Variants in GRM1 observed in about 807,000 individuals in gnomAD.
The protein encoded by GRM1 is metabotropic glutamate receptor 1.
A neutral mutation model predicts 90.9 loss-of-function variants in GRM1; 33 were observed. The observed-to-expected ratio is 0.36, with a 90% CI of 0.28 to 0.49. The LOEUF (loss-of-function observed/expected upper bound fraction) is 0.49. Ranked by LOEUF, GRM1 falls within the 20% of genes least tolerant of loss-of-function variation. The pLI is 0.99. For missense variants in GRM1, 1,190 were observed against 1,534.3 expected (o/e 0.78, Z 3.75); for synonymous variants, 700 against 613.2 (o/e 1.14, Z -2.09).
chr6:146,378,931 A>T (rs1333210682), intron 5 of GRM1, among the ~76,000 whole-genome samples: 1 of 152,178 alleles, frequency 6.6e-6, no homozygotes, highest in Non-Finnish European at 1.5e-5. Flanking sequence ...CTTGCCTGCC[A>T]CCATAAAAGA....
intron 1 of GRM1, among the ~76,000 whole-genome samples, chr6:146,034,807 G>A (rs1169421158): frequency 1.3e-5 from 2 of 151,954 alleles, no homozygotes; most frequent in East Asian, 3.9e-4. Context: ...ATGTATAAAT[G>A]GCTATATGTA....
chr6:146,120,818 T>C (rs187643460), intron 1 of GRM1, among the ~76,000 whole-genome samples: 624 of 152,334 alleles, frequency 4.1e-3, no homozygotes, highest in African/African-American at 0.014. Context: ...AGCTTTTTGA[T>C]GGCTGCTGGA....
At chr6:146,164,981 G>C (rs1777859133) in intron 2 of GRM1, among the ~76,000 whole-genome samples, 1 of 150,166 alleles carries the variant, frequency 6.7e-6, no homozygotes, top group African/African-American at 2.5e-5. Context: ...TTACTACTGT[G>C]TGCTGTTTTA....
intron 2 of GRM1, among the ~76,000 whole-genome samples, chr6:146,233,666 C>T (rs1358224293): frequency 6.6e-6 from 1 of 151,974 alleles, no homozygotes; most frequent in Non-Finnish European, 1.5e-5. Context: ...CAAATACATA[C>T]TTTGTGTAAT....
chr6:146,168,654 T>C (rs1583103457), intron 2 of GRM1, among the ~76,000 whole-genome samples: 4 of 152,172 alleles, frequency 2.6e-5, no homozygotes, highest in African/African-American at 7.2e-5. Flanking sequence ...AGACACATTT[T>C]CTTCTACTTT....
chr6:146,067,598 G>A (rs142788411), intron 1 of GRM1, among the ~76,000 whole-genome samples: 108 of 152,160 alleles, frequency 7.1e-4, no homozygotes, highest in African/African-American at 2.5e-3. Context: ...GTAATTTAAA[G>A]TAATCTTAAA....
chr6:146,279,560 TCTAA>T (rs1429855747), intron 2 of GRM1, among the ~76,000 whole-genome samples: 10 of 152,206 alleles, frequency 6.6e-5, no homozygotes, highest in African/African-American at 1.9e-4. Flanking sequence ...ACATTTGTTC[TCTAA>T]CTGTGAATTA....
chr6:146,124,999 T>G (rs1776144585), intron 1 of GRM1, among the ~76,000 whole-genome samples: 1 of 152,176 alleles, frequency 6.6e-6, no homozygotes, highest in East Asian at 1.9e-4. Context: ...AATGACATCA[T>G]GTAAGTGAGT....
chr6:146,066,762 CAGGCAGAG>C (rs1224273485), intron 1 of GRM1, among the ~76,000 whole-genome samples: 130 of 117,270 alleles, frequency 1.1e-3, no homozygotes, highest in African/African-American at 3.9e-3. Flanking sequence ...AATAGACAGA[CAGGCAGAG>C]AGAGAGAGAG....
At chr6:146,201,203 G>C (rs1156459638) in intron 2 of GRM1, among the ~76,000 whole-genome samples, 1 of 152,148 alleles carries the variant, frequency 6.6e-6, no homozygotes, top group Non-Finnish European at 1.5e-5. Flanking sequence ...AATTAACTTA[G>C]GAGTGCACAT....
chr6:146,350,460 A>G (rs924947423), intron 3 of GRM1, among the ~76,000 whole-genome samples: 1 of 115,354 alleles, frequency 8.7e-6, no homozygotes, highest in Admixed American at 8.6e-5. Context: ...TTGCCACTCA[A>G]TTTTTGTGTT....
Position 146,109,724 on chromosome 6 carries a change from C to T in GRM1, c.701-49624C>T, listed in dbSNP as rs186984305. ...TGGAAAATCCATAGATACTCAATTC[C>T]GGCCCACGAAAACAGCCAGAAGGGA... On this transcript the variant is annotated intron_variant, in intron 1 of 7. Coordinates refer to ENST00000282753, the MANE Select transcript of GRM1 (RefSeq NM_001278064.2). Among the ~76,000 whole-genome samples, 936 of 152,254 alleles carry T rather than the reference C, an allele frequency of 6.1e-3. 7 individuals carry two copies. The highest frequency in any genetic ancestry group is 6.3e-3 in the Non-Finnish European group (427 of 68,012).
intron 1 of GRM1, among the ~76,000 whole-genome samples, chr6:146,085,428 T>C (rs889930847): frequency 2.6e-5 from 4 of 152,154 alleles, no homozygotes; most frequent in African/African-American, 9.6e-5. Flanking sequence ...GTATAGACTA[T>C]TCTTTCACAT....
chr6:146,186,707 C>T (rs535427657), intron 2 of GRM1, among the ~76,000 whole-genome samples: 21 of 152,258 alleles, frequency 1.4e-4, no homozygotes, highest in African/African-American at 4.6e-4. Flanking sequence ...ACAGCTGTCT[C>T]CTTTTCTTGT....
At chr6:146,090,129 G>A (rs1010050404) in intron 1 of GRM1, among the ~76,000 whole-genome samples, 1 of 152,144 alleles carries the variant, frequency 6.6e-6, no homozygotes, top group South Asian at 2.1e-4. Flanking sequence ...TACCTTCTGT[G>A]TGTGAAGCTA....
chr6:146,116,573 GTA>G lies in GRM1; in HGVS notation c.701-42773_701-42772del, dbSNP rs1341641030. Among the ~76,000 whole-genome samples the G allele has an allele frequency of 2.0e-5, 3 of 152,040 alleles. No homozygotes were observed. In the East Asian group the frequency reaches 5.8e-4, roughly 29 times the overall value. ...ATAAAATCCACAGTGAATTGAGTGT[GTA>G]TGTGTGTATATATTATATTTTTCCA... On this transcript the variant is annotated intron_variant, in intron 1 of 7. Coordinates refer to ENST00000282753, the MANE Select transcript of GRM1 (RefSeq NM_001278064.2).
chr6:146,085,557 A>G (rs1776513037), intron 1 of GRM1, among the ~76,000 whole-genome samples: 1 of 152,158 alleles, frequency 6.6e-6, no homozygotes, highest in South Asian at 2.1e-4. Flanking sequence ...TTTGTTAAAT[A>G]TAAGTGACAA....
chr6:146,358,495 C>T (rs1036135631), intron 5 of GRM1, among the ~76,000 whole-genome samples: 1 of 152,142 alleles, frequency 6.6e-6, no homozygotes, highest in Non-Finnish European at 1.5e-5. Flanking sequence ...TTCTGTGATT[C>T]ATCTTGAGGC....
chr6:146,051,755 C>T (rs1317477065), intron 1 of GRM1, among the ~76,000 whole-genome samples: 4 of 152,142 alleles, frequency 2.6e-5, no homozygotes, highest in Admixed American at 1.3e-4. Context: ...TAGCTATGAA[C>T]ATATGTATAG....
Sources: gnomAD v4.1 joint callset for allele counts (sites outside exome capture counted in the v4.1 genomes callset) on GRCh38, gnomAD v4.1.1 for gene constraint, MANE v1.5 for transcripts, NCBI Gene and HGNC (gene_info 2026-07-23, HGNC 2026-07-21) for gene names.